The following ABCB1 variants were observed in gnomAD, a reference collection of about 807,000 sequenced individuals.
ABCB1 encodes the protein ATP binding cassette subfamily B member 1, also known as ATP-dependent translocase ABCB1.
ABCB1 carries 69 observed loss-of-function variants against 142.0 expected under a neutral mutation model. That is an observed-to-expected ratio of 0.49 (90% CI 0.40 to 0.59). ABCB1 has a LOEUF of 0.59. ABCB1 is among the 20% of genes least tolerant of loss of function. ABCB1 has a pLI of 0.00. For synonymous variants in ABCB1, 532 were observed against 539.2 expected (o/e 0.99, Z 0.18); for missense variants, 1,326 against 1,554.7 (o/e 0.85, Z 2.47).
intron 4 of ABCB1, among the ~76,000 whole-genome samples, chr7:87,575,529 T>G (rs1282453324): frequency 6.7e-6 from 1 of 150,114 alleles, no homozygotes; most frequent in Non-Finnish European, 1.5e-5. Context: ...GGAACTTCCG[T>G]TTTTTTTTCA....
intron 1 of ABCB1, among the ~76,000 whole-genome samples, chr7:87,699,628 A>G (rs756888494): frequency 6.6e-6 from 1 of 152,100 alleles, no homozygotes; most frequent in African/African-American, 2.4e-5. Context: ...CTGGCCTCGA[A>G]CTCCTGGCCT....
intron 17 of ABCB1, among the ~76,000 whole-genome samples, 191 bp from the exon 18 acceptor site, chr7:87,541,655 C>T (rs1419118953): frequency 6.6e-6 from 1 of 152,184 alleles, no homozygotes; most frequent in Non-Finnish European, 1.5e-5. Context: ...AAGGATAGGT[C>T]TATCATTCAT....
Position 87,566,143 on chromosome 7 carries a change from C to T in ABCB1, c.629G>A (p.Arg210His), listed in dbSNP as rs950846830. The T allele has an allele frequency of 3.7e-6, 6 of 1,614,136 alleles. No homozygotes were observed. Among genetic ancestry groups the T allele is most frequent in the African/African-American group, 1.3e-5 (1 of 75,034 alleles). The change falls in exon 7 of 28, where the codon CGT becomes CAT. Residue 210 changes from arginine (R) to histidine (H), a missense_variant. Physicochemically the swap from Arg to His is conservative, Grantham distance 29 (BLOSUM62 0). Transcript: ENST00000622132. ...FFTGFIVGFT[R>H]GWKLTLVILA... ...AATCACAAGGGTTAGCTTCCAACCA[C>T]GTGTAAATCCTACTATAAACCCAGT...
At position 87,524,162 on chromosome 7, in the gene ABCB1, T is replaced by TA. The variant is rs573045721; in HGVS notation, c.2686-3287dup. Among the ~76,000 whole-genome samples, 44 of 146,462 alleles carry TA rather than the reference T, an allele frequency of 3.0e-4. 1 individual carries two copies. Among genetic ancestry groups the TA allele is most frequent in the East Asian group, 1.2e-3 (6 of 5,046 alleles). On this transcript the variant is annotated intron_variant, in intron 21 of 27. Coordinates refer to ENST00000622132, the MANE Select transcript of ABCB1 (RefSeq NM_001348946.2). ...GACTAATATCAAAATCTATCAGAAG[T>TA]AAAAAAAAAAATTAGTAACATTCTT...
At chr7:87,664,662 C>T (rs936140276) in intron 1 of ABCB1, among the ~76,000 whole-genome samples, 2 of 151,868 alleles carry the variant, frequency 1.3e-5, no homozygotes, top group East Asian at 1.9e-4. Flanking sequence ...GATAGAGGTG[C>T]GTATATGAAT....
chr7:87,702,025 C>T (rs1303804057), intron 1 of ABCB1, among the ~76,000 whole-genome samples: 1 of 151,282 alleles, frequency 6.6e-6, no homozygotes, highest in Admixed American at 6.6e-5. Flanking sequence ...CACCTGTAAT[C>T]CCAGCTACTT....
intron 1 of ABCB1, chr7:87,650,968 C>T (rs1264477067): frequency 8.0e-7 from 1 of 1,253,168 alleles, no homozygotes; most frequent in Admixed American, 1.7e-5. Context: ...TTTATTTTCC[C>T]ACCAGCTGTC....
chr7:87,512,139 T>C (rs568747486), intron 25 of ABCB1, among the ~76,000 whole-genome samples: 8 of 152,174 alleles, frequency 5.3e-5, no homozygotes, highest in African/African-American at 1.9e-4. Flanking sequence ...GATTTTTTTT[T>C]CATTTGAAGT....
rs1816697048 is a variant in ABCB1 at position 87,544,777 on chromosome 7, A to G, written c.2064+46T>C. 3 of 1,603,840 alleles carry G rather than the reference A, an allele frequency of 1.9e-6. No individual in the cohort carries two copies. In the East Asian group the frequency reaches 6.7e-5, roughly 36 times the overall value. On this transcript the variant is annotated intron_variant, in intron 16 of 27. Transcript: ENST00000622132. The stretch of plus-strand genomic sequence containing the variant: ...TAGCCCTAGCCCACCAAACTAGGGA[A>G]CCACAGTTAGTGAGATTAAAACAAA...
At chr7:87,509,137 G>A in intron 26 of ABCB1, 138 bp downstream of exon 26, 1 of 842,698 alleles carries the variant, frequency 1.2e-6, no homozygotes, top group Non-Finnish European at 2.0e-6. Context: ...AGTGTGGCCA[G>A]ATGCTTGTAT....
chr7:87,645,696 A>G (rs751205094), intron 1 of ABCB1, among the ~76,000 whole-genome samples: 2 of 152,194 alleles, frequency 1.3e-5, no homozygotes, highest in Non-Finnish European at 2.9e-5. Flanking sequence ...TAGATATATT[A>G]AAATTCTTTC....
At chr7:87,654,003 A>G (rs904506338) in intron 1 of ABCB1, among the ~76,000 whole-genome samples, 3 of 152,046 alleles carry the variant, frequency 2.0e-5, no homozygotes, top group Admixed American at 2.0e-4. Context: ...TATTTCTCTA[A>G]GTTAGTTTGC....
intron 1 of ABCB1, among the ~76,000 whole-genome samples, chr7:87,662,699 T>A (rs1390906627): frequency 1.3e-5 from 2 of 152,112 alleles, no homozygotes; most frequent in African/African-American, 4.8e-5. Flanking sequence ...TTCCTCCAGT[T>A]TTGTTTCTTT....
intron 1 of ABCB1, among the ~76,000 whole-genome samples, chr7:87,704,840 CAGTA>C (rs1829447432): frequency 6.6e-6 from 1 of 152,194 alleles, no homozygotes. Context: ...TTAATCTACT[CAGTA>C]AGTCACATCT....
chr7:87,528,697 ATACACCATTAATCAATAAACAAATGG>A (rs1815904301), intron 21 of ABCB1, among the ~76,000 whole-genome samples: 1 of 152,230 alleles, frequency 6.6e-6, no homozygotes, highest in Non-Finnish European at 1.5e-5. Context: ...CTAATGTCAC[ATACACCATTAATCAATAAACAAATGG>A]TACACCATTA....
chr7:87,697,816 C>T (rs1252591498), intron 1 of ABCB1, among the ~76,000 whole-genome samples: 1 of 152,084 alleles, frequency 6.6e-6, no homozygotes, highest in Non-Finnish European at 1.5e-5. Context: ...ATAAAGTGAA[C>T]CTAAGTCATT....
chr7:87,676,426 C>T (rs967831465), intron 1 of ABCB1, among the ~76,000 whole-genome samples: 7 of 151,816 alleles, frequency 4.6e-5, no homozygotes, highest in South Asian at 2.1e-4. Context: ...AGAGGCCAGG[C>T]GCAGTGGCTC....
intron 1 of ABCB1, among the ~76,000 whole-genome samples, chr7:87,637,495 C>T (rs2130255384): frequency 6.6e-6 from 1 of 152,246 alleles, no homozygotes; most frequent in East Asian, 1.9e-4. Flanking sequence ...TACTATAAAT[C>T]AGTTTTGGGA....
In ABCB1 at chr7:87,520,766, C is replaced by T. The variant is rs753699530; in HGVS notation, c.2786+10G>A. ...TTCACACTCTCCTCCCACTCTTCAG[C>T]GGTTATTACCTGTATGGTACCTGCA... On this transcript the variant is annotated intron_variant, in intron 22 of 27. Transcript: ENST00000622132. 3.7e-6 allele frequency: 6 copies of T among 1,602,940 alleles called. No individual in the cohort carries two copies. Among genetic ancestry groups the T allele is most frequent in the African/African-American group, 2.7e-5 (2 of 74,626 alleles).
Sources: allele counts gnomAD v4.1 joint callset (sites outside exome capture counted in the v4.1 genomes callset), GRCh38; gene constraint gnomAD v4.1.1; transcripts MANE v1.5; gene names NCBI Gene and HGNC (gene_info 2026-07-23, HGNC 2026-07-21).